The following LRP1B variants were observed in gnomAD, a reference collection of about 807,000 sequenced individuals.
LRP1B encodes low-density lipoprotein receptor-related protein 1B.
In LRP1B, 217 loss-of-function variants were observed where a neutral mutation model predicts 556.6. The ratio of observed to expected loss-of-function variants is 0.39; its 90% CI spans 0.35 to 0.44. The LOEUF (loss-of-function observed/expected upper bound fraction) is 0.44. Ranked by LOEUF, LRP1B falls within the 20% of genes least tolerant of loss-of-function variation. The probability of loss-of-function intolerance (pLI) is 1.00; values close to 1 mark genes in which losing one functional copy is unlikely to be tolerated. For synonymous variants in LRP1B, 2,047 were observed against 1,865.8 expected (o/e 1.10, Z -2.50); for missense variants, 5,053 against 5,620.8 (o/e 0.90, Z 3.23).
At chr2:142,074,952 C>T (rs994035966) in intron 1 of LRP1B, among the ~76,000 whole-genome samples, 2 of 152,042 alleles carry the variant, frequency 1.3e-5, no homozygotes, top group Non-Finnish European at 2.9e-5. Context: ...CTTGTCTTGT[C>T]GGTGTCCATT....
chr2:141,823,144 C>T (rs1558899969), intron 1 of LRP1B, among the ~76,000 whole-genome samples: 1 of 152,082 alleles, frequency 6.6e-6, no homozygotes, highest in Non-Finnish European at 1.5e-5. Context: ...ACAGATAGGG[C>T]ATGGACATGT....
rs202023981 is a variant in LRP1B at position 140,501,878 on chromosome 2, G to GA, written c.8663-5dup. 4.2e-4 allele frequency: 665 copies of GA among 1,571,212 alleles called. 5 individuals are homozygous for GA. The African/African-American group carries it at 7.5e-3, about 18-fold the overall frequency. Reference sequence around the variant, plus strand: ...AATGAACTGTTGCATGACTGTTCTGGAAAAAAAATAAAACAAATGGAACAT... The same window carrying GA: ...AATGAACTGTTGCATGACTGTTCTGGAAAAAAAAATAAAACAAATGGAACAT... On this transcript the variant is annotated splice_polypyrimidine_tract_variant and splice_region_variant and intron_variant, in intron 54 of 90. Transcript: ENST00000389484.
At chr2:141,480,187 G>GTA (rs1244707472) in intron 3 of LRP1B, among the ~76,000 whole-genome samples, 2 of 118,762 alleles carry the variant, frequency 1.7e-5, no homozygotes, top group Non-Finnish European at 3.7e-5. Flanking sequence ...GTGTGTGTGT[G>GTA]TGTGTGTTGT....
intron 81 of LRP1B, among the ~76,000 whole-genome samples, chr2:140,323,098 G>A (rs763693459): frequency 6.6e-6 from 1 of 151,972 alleles, no homozygotes; most frequent in Non-Finnish European, 1.5e-5. Context: ...CCAGATAAAT[G>A]CACCAAACAA....
intron 65 of LRP1B, 28 bp downstream of exon 65, chr2:140,444,302 C>T (rs771566051): frequency 1.1e-5 from 17 of 1,612,800 alleles, no homozygotes; most frequent in Non-Finnish European, 1.4e-5. Context: ...AAAGTTAAGA[C>T]AAGACAGAGT....
chr2:140,391,826 C>A (rs1031199194), intron 66 of LRP1B, among the ~76,000 whole-genome samples: 3 of 152,144 alleles, frequency 2.0e-5, no homozygotes, highest in African/African-American at 7.2e-5. Flanking sequence ...TTGAGGCTAC[C>A]ATGTTTTTAT....
intron 86 of LRP1B, among the ~76,000 whole-genome samples, chr2:140,258,250 C>T (rs17385709): frequency 6.6e-6 from 1 of 151,778 alleles, no homozygotes; most frequent in Non-Finnish European, 1.5e-5. Flanking sequence ...TAACTCAGAT[C>T]ACTCTCTAAA....
At chr2:141,435,316 G>A (rs1680723273) in intron 3 of LRP1B, among the ~76,000 whole-genome samples, 1 of 152,144 alleles carries the variant, frequency 6.6e-6, no homozygotes, top group Admixed American at 6.5e-5. Flanking sequence ...GCTCCTGAGT[G>A]TAACCTAATG....
Position 141,589,545 on chromosome 2 carries a change from G to A in LRP1B, c.206-109012C>T, listed in dbSNP as rs528026223. Among the ~76,000 whole-genome samples the A allele has an allele frequency of 5.3e-5, 8 of 151,996 alleles. No individual in the cohort carries two copies. The East Asian group carries it at 1.4e-3, about 26-fold the overall frequency. ...AGCCCCATCCCCTTTTTCGTTTCCT[G>A]CTTCCTAATAGGCAGTGGGTTTGGT... On this transcript the variant is annotated intron_variant, in intron 2 of 90. Coordinates refer to ENST00000389484, the MANE Select transcript of LRP1B (RefSeq NM_018557.3).
At chr2:141,431,280 G>A (rs2104984574) in intron 3 of LRP1B, among the ~76,000 whole-genome samples, 1 of 152,050 alleles carries the variant, frequency 6.6e-6, no homozygotes, top group East Asian at 1.9e-4. Context: ...AGATGTGATG[G>A]CATGGGAGTC....
At chr2:140,342,163 TC>T (rs552651156) in intron 77 of LRP1B, among the ~76,000 whole-genome samples, 80 of 151,568 alleles carry the variant, frequency 5.3e-4, no homozygotes, top group Non-Finnish European at 9.6e-4. Context: ...CTTTCAACTT[TC>T]ATAGTACATA....
intron 34 of LRP1B, among the ~76,000 whole-genome samples, chr2:140,769,920 T>C (rs1329959936): frequency 6.6e-6 from 1 of 151,908 alleles, no homozygotes; most frequent in Admixed American, 6.6e-5. Context: ...ATATCACACT[T>C]CTCTGGCATC....
rs538642489 is a variant in LRP1B at position 141,618,233 on chromosome 2, G to A, written c.206-137700C>T. Among the ~76,000 whole-genome samples, 143 of 152,084 alleles carry A rather than the reference G, an allele frequency of 9.4e-4. 2 individuals carry two copies. The highest frequency in any genetic ancestry group is 4.6e-3 in the Admixed American group (70 of 15,272). ...TTTATGGTCATCCTTTTACAAATTGGTGGTGACAGTGATTACAGCAAAAGG... is the reference window on the plus strand; with the variant it reads ...TTTATGGTCATCCTTTTACAAATTGATGGTGACAGTGATTACAGCAAAAGG... On this transcript the variant is annotated intron_variant, in intron 2 of 90. Coordinates refer to ENST00000389484, the MANE Select transcript of LRP1B (RefSeq NM_018557.3).
intron 29 of LRP1B, among the ~76,000 whole-genome samples, chr2:140,843,251 A>T: frequency 6.6e-6 from 1 of 152,150 alleles, no homozygotes; most frequent in South Asian, 2.1e-4. Flanking sequence ...AGCTATAAAT[A>T]TCTATCTAGT....
At chr2:141,638,244 T>C (rs1689173141) in intron 2 of LRP1B, among the ~76,000 whole-genome samples, 1 of 152,086 alleles carries the variant, frequency 6.6e-6, no homozygotes, top group African/African-American at 2.4e-5. Flanking sequence ...TGGCTCCCTC[T>C]CTTGCCATGT....
intron 2 of LRP1B, among the ~76,000 whole-genome samples, chr2:141,689,762 C>T (rs1457653376): frequency 6.6e-6 from 1 of 151,556 alleles, no homozygotes; most frequent in Admixed American, 6.6e-5. Context: ...AATTTTAAGC[C>T]AGCAGGGTTT....
At chr2:140,716,149 A>G (rs1245774301) in intron 36 of LRP1B, 47 bp from the exon 37 acceptor site, 2 of 1,351,396 alleles carry the variant, frequency 1.5e-6, no homozygotes, top group African/African-American at 1.5e-5. Context: ...TGAGAAAAAA[A>G]ATGTATTTGT....
intron 3 of LRP1B, among the ~76,000 whole-genome samples, chr2:141,469,316 TG>T (rs1682368119): frequency 6.6e-6 from 1 of 152,226 alleles, no homozygotes; most frequent in African/African-American, 2.4e-5. Context: ...GTCTCATAGC[TG>T]TTTCATTTTT....
At chr2:141,572,531 C>T (rs1402494826) in intron 2 of LRP1B, among the ~76,000 whole-genome samples, 1 of 152,030 alleles carries the variant, frequency 6.6e-6, no homozygotes, top group African/African-American at 2.4e-5. Context: ...AACTAGTATG[C>T]AAAACAACCA....
Sources: gnomAD v4.1 joint callset for allele counts (sites outside exome capture counted in the v4.1 genomes callset) on GRCh38, gnomAD v4.1.1 for gene constraint, MANE v1.5 for transcripts, NCBI Gene and HGNC (gene_info 2026-07-23, HGNC 2026-07-21) for gene names.